The following NRXN3 variants were observed in gnomAD, a reference collection of about 807,000 sequenced individuals.
The protein encoded by NRXN3 is neurexin 3.
NRXN3 carries 32 observed loss-of-function variants against 137.6 expected under a neutral mutation model. That is an observed-to-expected ratio of 0.23 (90% CI 0.18 to 0.31). The LOEUF is 0.31. Among genes scored for constraint, NRXN3 ranks in the 10% least tolerant of loss-of-function variants. The pLI is 1.00. For synonymous variants in NRXN3, 798 were observed against 784.5 expected, an observed-to-expected ratio of 1.02 and a Z score of -0.29; for missense variants, 1,574 against 2,062.5, an observed-to-expected ratio of 0.76 and a Z score of 4.59.
chr14:79,691,943 C>T (rs941590098), intron 17 of NRXN3, among the ~76,000 whole-genome samples: 1 of 151,958 alleles, frequency 6.6e-6, no homozygotes, highest in African/African-American at 2.4e-5. Flanking sequence ...CTTAAGGATT[C>T]CCATTCCATG....
chr14:79,721,889 C>T (rs2098845859), intron 19 of NRXN3, among the ~76,000 whole-genome samples: 1 of 151,970 alleles, frequency 6.6e-6, no homozygotes. Flanking sequence ...CATCTTGTTG[C>T]CAGGAAGCAG....
chr14:78,974,435 A>G (rs2099456249), intron 14 of NRXN3, among the ~76,000 whole-genome samples: 1 of 152,214 alleles, frequency 6.6e-6, no homozygotes, highest in African/African-American at 2.4e-5. Context: ...AAATAATCTG[A>G]AAGTTCTCAT....
At chr14:79,680,677 T>C (rs929182944) in intron 17 of NRXN3, among the ~76,000 whole-genome samples, 1 of 152,108 alleles carries the variant, frequency 6.6e-6, no homozygotes, top group African/African-American at 2.4e-5. Flanking sequence ...ATGGCCCTGT[T>C]TGCTCAGAAA....
chr14:78,293,805 T>A (rs1236490598), intron 3 of NRXN3, among the ~76,000 whole-genome samples: 1 of 152,210 alleles, frequency 6.6e-6, no homozygotes, highest in African/African-American at 2.4e-5. Context: ...ATTCTTAGGA[T>A]CATCTTTCCC....
At chr14:79,650,987 A>C (rs2098473095) in intron 16 of NRXN3, among the ~76,000 whole-genome samples, 1 of 152,218 alleles carries the variant, frequency 6.6e-6, no homozygotes, top group African/African-American at 2.4e-5. Flanking sequence ...AGACAATGAA[A>C]CTGAGTTTCT....
chr14:79,279,799 G>A, intron 15 of NRXN3: 7 of 991,638 alleles, frequency 7.1e-6, no homozygotes, highest in Non-Finnish European at 8.4e-6. Flanking sequence ...TCATGGAAGT[G>A]GAAACAGGAA....
intron 19 of NRXN3, among the ~76,000 whole-genome samples, chr14:79,757,339 C>A (rs1450742293): frequency 6.6e-6 from 1 of 152,134 alleles, no homozygotes; most frequent in African/African-American, 2.4e-5. Flanking sequence ...GGAAATAAGA[C>A]CACCTTGGTA....
chr14:78,862,513 C>A (rs1322553582), intron 10 of NRXN3, among the ~76,000 whole-genome samples: 1 of 152,046 alleles, frequency 6.6e-6, no homozygotes, highest in Non-Finnish European at 1.5e-5. Flanking sequence ...TAAATTGGAT[C>A]AACATCATGC....
At chr14:79,472,750 G>A (rs986943459) in intron 16 of NRXN3, among the ~76,000 whole-genome samples, 1 of 152,126 alleles carries the variant, frequency 6.6e-6, no homozygotes, top group African/African-American at 2.4e-5. Flanking sequence ...TAGGCTTTAA[G>A]GAGCGGTGTC....
chr14:79,030,007 C>T (rs1200424484), intron 15 of NRXN3, among the ~76,000 whole-genome samples: 1 of 150,962 alleles, frequency 6.6e-6, no homozygotes, highest in South Asian at 2.1e-4. Context: ...CCACTGTGCC[C>T]GTCTAATTTT....
At chr14:78,969,718 T>C (rs575695075) in intron 14 of NRXN3, among the ~76,000 whole-genome samples, 2 of 152,276 alleles carry the variant, frequency 1.3e-5, no homozygotes, top group South Asian at 4.1e-4. Flanking sequence ...TTTGCACTAG[T>C]AATAGGAATG....
chr14:78,350,105 TG>T, intron 4 of NRXN3, among the ~76,000 whole-genome samples: 1 of 152,146 alleles, frequency 6.6e-6, no homozygotes, highest in African/African-American at 2.4e-5. Context: ...TTGGCCAACA[TG>T]GTGAAACCCT....
chr14:79,827,974 G>T (rs2099310510), intron 20 of NRXN3, among the ~76,000 whole-genome samples: 1 of 152,038 alleles, frequency 6.6e-6, no homozygotes, highest in African/African-American at 2.4e-5. Flanking sequence ...GGGATTACAG[G>T]CGTGAGCCAC....
chr14:78,732,715 A>G (rs1277808016), intron 8 of NRXN3, among the ~76,000 whole-genome samples: 1 of 152,192 alleles, frequency 6.6e-6, no homozygotes, highest in Non-Finnish European at 1.5e-5. Context: ...AGATGGGCTT[A>G]AAACAATGAA....
intron 4 of NRXN3, among the ~76,000 whole-genome samples, chr14:78,623,744 G>A (rs956465449): frequency 2.0e-5 from 3 of 151,856 alleles, no homozygotes; most frequent in Admixed American, 2.0e-4. Context: ...ATTTTTGTAT[G>A]TTTAGTAGAG....
At chr14:79,775,874 T>C (rs924304110) in intron 19 of NRXN3, among the ~76,000 whole-genome samples, 4 of 152,204 alleles carry the variant, frequency 2.6e-5, no homozygotes, top group Non-Finnish European at 5.9e-5. Flanking sequence ...CTGTACTTGA[T>C]AGTTGGTAAG....
At chr14:78,390,906 A>G (rs532745670) in intron 4 of NRXN3, among the ~76,000 whole-genome samples, 2 of 152,282 alleles carry the variant, frequency 1.3e-5, no homozygotes, top group Admixed American at 6.5e-5. Context: ...CCCAGCATGC[A>G]TTAGCTCTTT....
intron 4 of NRXN3, among the ~76,000 whole-genome samples, chr14:78,401,130 G>A (rs2092009488): frequency 6.6e-6 from 1 of 152,112 alleles, no homozygotes; most frequent in Non-Finnish European, 1.5e-5. Flanking sequence ...GTTCCCTCCA[G>A]TCATTTTATA....
At chr14:79,577,935 G>A (rs969453006) in intron 16 of NRXN3, among the ~76,000 whole-genome samples, 1 of 151,996 alleles carries the variant, frequency 6.6e-6, no homozygotes, top group Non-Finnish European at 1.5e-5. Context: ...CCTTACTTGG[G>A]GTCTTTTACC....
Sources: gnomAD v4.1 joint callset for allele counts (sites outside exome capture counted in the v4.1 genomes callset) on GRCh38, gnomAD v4.1.1 for gene constraint, MANE v1.5 for transcripts, NCBI Gene and HGNC (gene_info 2026-07-23, HGNC 2026-07-21) for gene names.